RIN3: variants seen among roughly 807,000 people sequenced by gnomAD.
RIN3 encodes Ras and Rab interactor 3, also known as RAB5 interacting protein 3.
In RIN3, 54 loss-of-function variants were observed where a neutral mutation model predicts 76.3. That is an observed-to-expected ratio of 0.71 (90% CI 0.57 to 0.89). RIN3 has a LOEUF of 0.89. RIN3 is among the 40% of genes least tolerant of loss of function. RIN3 has a pLI of 0.00. For synonymous variants in RIN3, 576 were observed against 564.0 expected (o/e 1.02, Z -0.30); for missense variants, 1,256 against 1,322.1 (o/e 0.95, Z 0.78).
intron 1 of RIN3, among the ~76,000 whole-genome samples, chr14:92,531,301 C>T (rs1411404993): frequency 1.3e-5 from 2 of 152,190 alleles, no homozygotes; most frequent in East Asian, 3.9e-4. Context: ...GAAATCCAAT[C>T]CTCTCAGGGC....
chr14:92,574,143 G>T (rs924797958), intron 2 of RIN3, among the ~76,000 whole-genome samples: 2 of 152,230 alleles, frequency 1.3e-5, no homozygotes, highest in African/African-American at 4.8e-5. Context: ...AAGAGTGGAG[G>T]TTTAAAAGGT....
At chr14:92,564,782 C>G (rs1346584395) in intron 2 of RIN3, among the ~76,000 whole-genome samples, 1 of 152,150 alleles carries the variant, frequency 6.6e-6, no homozygotes, top group Non-Finnish European at 1.5e-5. Flanking sequence ...GTCCCTAATG[C>G]AATGCAGTGA....
At chr14:92,559,818 G>C (rs1897710951) in intron 2 of RIN3, among the ~76,000 whole-genome samples, 1 of 152,194 alleles carries the variant, frequency 6.6e-6, no homozygotes, top group Non-Finnish European at 1.5e-5. Context: ...GCCTTGCTGG[G>C]GCCCTTGGGG....
intron 7 of RIN3, among the ~76,000 whole-genome samples, chr14:92,666,978 G>A (rs1044994027): frequency 8.5e-5 from 13 of 152,154 alleles, no homozygotes; most frequent in South Asian, 6.2e-4. Context: ...GTGGTGGGAC[G>A]TGGGGGCCAA....
intron 1 of RIN3, among the ~76,000 whole-genome samples, chr14:92,534,442 T>C (rs1005360033): frequency 2.0e-5 from 3 of 151,814 alleles, no homozygotes; most frequent in Non-Finnish European, 4.4e-5. Context: ...TAGCTGGGCA[T>C]GGTGTCAGGC....
intron 1 of RIN3, among the ~76,000 whole-genome samples, chr14:92,536,357 A>G (rs762626614): frequency 5.9e-5 from 9 of 152,126 alleles, no homozygotes; most frequent in Non-Finnish European, 1.3e-4. Context: ...CCATTCGCCT[A>G]TTGTGTGTCT....
intron 3 of RIN3, among the ~76,000 whole-genome samples, chr14:92,585,213 G>A (rs185957551): frequency 2.1e-4 from 32 of 152,184 alleles, no homozygotes; most frequent in Admixed American, 1.5e-3. Flanking sequence ...GGGTCTCTGT[G>A]TTGTCCGGGC....
In RIN3 at chr14:92,623,898, G is replaced by A. The variant is rs1311914435; in HGVS notation, c.440+8419G>A. On this transcript the variant is annotated intron_variant, in intron 4 of 9. Coordinates refer to ENST00000216487, the MANE Select transcript of RIN3 (RefSeq NM_024832.5). The surrounding 1 kb of genome is among the most constrained non-coding windows in gnomAD (Gnocchi z 4.9). ...GATGGAGGCTGGATGGCCCTCGGGG[G>A]CTCACCCTCAAGGTGTTGAGTTTCA... is the stretch of plus-strand genomic sequence containing the variant. Among the ~76,000 whole-genome samples, 2 of 152,240 alleles carry A rather than the reference G, an allele frequency of 1.3e-5. No homozygotes were observed. The highest frequency in any genetic ancestry group is 2.4e-5 in the African/African-American group (1 of 41,476).
rs1887080848 is a variant in RIN3 at position 92,643,219 on chromosome 14, A to G, written c.532+1890A>G. ...CAGGCGCATGCCACCACACCTGGCT[A>G]ATTTTTGTATTTTTAGTAGAGACAG... is the stretch of plus-strand genomic sequence containing the variant. On this transcript the variant is annotated intron_variant, in intron 5 of 9. Transcript: ENST00000216487. This position sits in a 1 kb window ranked among gnomAD's most constrained non-coding sequence, Gnocchi z 4.8. Among the ~76,000 whole-genome samples, 1 of 151,872 alleles carries G rather than the reference A, an allele frequency of 6.6e-6. No homozygotes were observed. Among genetic ancestry groups the G allele is most frequent in the Non-Finnish European group, 1.5e-5 (1 of 67,968 alleles).
At chr14:92,545,388 G>A (rs1897237141) in intron 1 of RIN3, among the ~76,000 whole-genome samples, 1 of 152,032 alleles carries the variant, frequency 6.6e-6, no homozygotes, top group Non-Finnish European at 1.5e-5. Flanking sequence ...GGGATTACAG[G>A]CAGGAGCCAC....
intron 8 of RIN3, among the ~76,000 whole-genome samples, chr14:92,683,154 C>T (rs924086227): frequency 6.6e-6 from 1 of 151,066 alleles, no homozygotes; most frequent in Non-Finnish European, 1.5e-5. Flanking sequence ...GCAACAAGAG[C>T]GAAACTCCAT....
At chr14:92,671,799 G>A (rs1431982459) in intron 7 of RIN3, among the ~76,000 whole-genome samples, 1 of 152,202 alleles carries the variant, frequency 6.6e-6, no homozygotes, top group Non-Finnish European at 1.5e-5. Flanking sequence ...CATTTGGGGT[G>A]TCCTCTGCAT....
At chr14:92,626,803 C>A (rs1020131923) in intron 4 of RIN3, among the ~76,000 whole-genome samples, 2 of 152,066 alleles carry the variant, frequency 1.3e-5, no homozygotes, top group African/African-American at 4.8e-5. Flanking sequence ...TGGGATCCCT[C>A]TGCCTAGGGG....
intron 1 of RIN3, among the ~76,000 whole-genome samples, chr14:92,521,892 G>C (rs1896606216): frequency 6.6e-6 from 1 of 152,162 alleles, no homozygotes; most frequent in Non-Finnish European, 1.5e-5. Flanking sequence ...TGACAGAGCT[G>C]GCATGTGAAT....
intron 1 of RIN3, among the ~76,000 whole-genome samples, chr14:92,544,410 G>A (rs1212396006): frequency 3.5e-5 from 3 of 85,162 alleles, no homozygotes; most frequent in Admixed American, 3.3e-4. Context: ...GCTTGTGACA[G>A]CTGTGGGGGG....
intron 1 of RIN3, among the ~76,000 whole-genome samples, chr14:92,522,385 TCATA>T (rs1250729148): frequency 1.3e-5 from 2 of 152,116 alleles, no homozygotes; most frequent in Non-Finnish European, 2.9e-5. Context: ...CTTTAAAAGT[TCATA>T]CACAGACACA....
chr14:92,668,280 C>A (rs1888178666), intron 7 of RIN3, among the ~76,000 whole-genome samples: 1 of 152,182 alleles, frequency 6.6e-6, no homozygotes, highest in Non-Finnish European at 1.5e-5. Context: ...CAGCCTGCCT[C>A]CCCAGGGCAT....
rs759791427 is a variant in RIN3, at chr14:92,615,360, T to G, written c.368-47T>G. 1.1e-4 allele frequency: 177 copies of G among 1,545,480 alleles called. No individual in the cohort carries two copies. In the Middle Eastern group the frequency reaches 1.9e-3, roughly 16 times the overall value. ...TTGCCACCTCCTTCCCCCATTTTCC[T>G]TGGCAGGATACTCACCTCACCCAGG... is the stretch of plus-strand genomic sequence containing the variant. On this transcript the variant is annotated intron_variant, in intron 3 of 9. Transcript: ENST00000216487.
chr14:92,515,881 G>A (rs553193651), intron 1 of RIN3, among the ~76,000 whole-genome samples: 1 of 152,324 alleles, frequency 6.6e-6, no homozygotes, highest in Non-Finnish European at 1.5e-5. Context: ...CTTTTGGGTT[G>A]GAAGGACTTT....
Sources: allele counts gnomAD v4.1 joint callset (sites outside exome capture counted in the v4.1 genomes callset), GRCh38; gene constraint gnomAD v4.1.1; non-coding constraint Gnocchi (gnomAD v3.1); transcripts MANE v1.5; gene names NCBI Gene and HGNC (gene_info 2026-07-23, HGNC 2026-07-21).